SSH2: variants seen among roughly 807,000 people sequenced by gnomAD.
SSH2 encodes the protein protein phosphatase Slingshot homolog 2.
Under a neutral mutation model 135.2 loss-of-function variants are expected in SSH2, and 37 were observed. The observed-to-expected ratio is 0.27, with a 90% CI of 0.21 to 0.36. SSH2 has a LOEUF of 0.36. SSH2 is among the 10% of genes least tolerant of loss of function. The probability of loss-of-function intolerance (pLI) is 1.00; values close to 1 mark genes in which losing one functional copy is unlikely to be tolerated. For missense variants in SSH2, 1,408 were observed against 1,765.3 expected, an observed-to-expected ratio of 0.80 and a Z score of 3.63; for synonymous variants, 628 against 646.2, an observed-to-expected ratio of 0.97 and a Z score of 0.43.
chr17:29,680,248 C>A (rs1401048573), intron 6 of SSH2, among the ~76,000 whole-genome samples: 1 of 151,988 alleles, frequency 6.6e-6, no homozygotes, highest in Non-Finnish European at 1.5e-5. Flanking sequence ...CACTTGCTGG[C>A]CTGTGCTGCT....
intron 1 of SSH2, among the ~76,000 whole-genome samples, chr17:29,891,963 CT>C (rs1335666691): frequency 5.3e-5 from 8 of 151,786 alleles, no homozygotes; most frequent in African/African-American, 1.9e-4. Context: ...AAGAAAGAAG[CT>C]TTATAAAATT....
At chr17:29,857,421 A>G (rs2065682288) in intron 1 of SSH2, among the ~76,000 whole-genome samples, 2 of 151,986 alleles carry the variant, frequency 1.3e-5, no homozygotes, top group Non-Finnish European at 2.9e-5. Flanking sequence ...CTCCCACCAG[A>G]GTTTCCCTTC....
At chr17:29,667,102 G>T in intron 10 of SSH2, 28 bp downstream of exon 10, 1 of 1,603,030 alleles carries the variant, frequency 6.2e-7, no homozygotes, top group Non-Finnish European at 8.5e-7. Context: ...GCTAGCCTTG[G>T]AACAAACAAG....
At chr17:29,856,789 T>C (rs1053347685) in intron 1 of SSH2, among the ~76,000 whole-genome samples, 17 of 152,230 alleles carry the variant, frequency 1.1e-4, no homozygotes, top group African/African-American at 3.9e-4. Flanking sequence ...ACAAGCATTG[T>C]GTGTGTAGAT....
In SSH2 at chr17:29,800,584, C is replaced by A. The variant is rs181709934; in HGVS notation, c.145-6647G>T. Among the ~76,000 whole-genome samples, 128 of 151,838 alleles carry A rather than the reference C, an allele frequency of 8.4e-4. 1 individual carries two copies. Among genetic ancestry groups the A allele is most frequent in the Admixed American group, 3.0e-3 (46 of 15,258 alleles). On this transcript the variant is annotated intron_variant, in intron 2 of 15. Transcript: ENST00000540801. ...AGACAGCTCTTAGTTTCTTAGTGAA[C>A]AGAATAATTTCTGATACATAACGAG...
At chr17:29,741,934 CTTTT>C (rs71138848) in intron 3 of SSH2, among the ~76,000 whole-genome samples, 3 of 97,904 alleles carry the variant, frequency 3.1e-5, no homozygotes, top group Admixed American at 2.3e-4. Flanking sequence ...ATTTTTTTTT[CTTTT>C]TTTTTTTTTT....
chr17:29,797,653 T>G (rs2042181165), intron 2 of SSH2, among the ~76,000 whole-genome samples: 1 of 152,086 alleles, frequency 6.6e-6, no homozygotes, highest in Non-Finnish European at 1.5e-5. Context: ...TCCCAGCACT[T>G]TGGGAGGCTG....
chr17:29,685,852 CT>C (rs765821581), intron 5 of SSH2, among the ~76,000 whole-genome samples: 171 of 139,796 alleles, frequency 1.2e-3, no homozygotes, highest in Non-Finnish European at 1.6e-3. Context: ...TTTTCTTTTT[CT>C]TTTTTTTTTT....
In SSH2 at chr17:29,827,303, C is replaced by G. The variant is rs556021544; in HGVS notation, c.144+21546G>C. On this transcript the variant is annotated intron_variant, in intron 2 of 15. Coordinates refer to ENST00000540801, the MANE Select transcript of SSH2 (RefSeq NM_001282129.2). ...GGCAACATGATTACCAGGCTTCTTACTAGTAAAAGGCTCAAAGAAGATAAA... is the reference window on the plus strand; with the variant it reads ...GGCAACATGATTACCAGGCTTCTTAGTAGTAAAAGGCTCAAAGAAGATAAA... Among the ~76,000 whole-genome samples the G allele has an allele frequency of 3.0e-4, 45 of 152,270 alleles. 1 individual carries two copies. The highest frequency in any genetic ancestry group is 1.1e-3 in the African/African-American group (44 of 41,568).
At chr17:29,832,170 G>T (rs897402248) in intron 2 of SSH2, among the ~76,000 whole-genome samples, 7 of 152,086 alleles carry the variant, frequency 4.6e-5, no homozygotes, top group Non-Finnish European at 1.0e-4. Flanking sequence ...TTGACATGGG[G>T]TCTCGCTCTG....
In SSH2 at chr17:29,634,250, T is replaced by C. The variant is rs1390863958; in HGVS notation, c.2263-1319A>G. 3.3e-5 allele frequency among the ~76,000 whole-genome samples: 5 copies of C among 152,256 alleles called. No homozygotes were observed. The South Asian group carries it at 1.0e-3, about 32-fold the overall frequency. On this transcript the variant is annotated intron_variant, in intron 15 of 15. Coordinates refer to ENST00000540801, the MANE Select transcript of SSH2 (RefSeq NM_001282129.2). ...AATCGTTAACGGACAAAGCGGTAAA[T>C]ATAAGCAGACAGACATCAGGAGAGG...
chr17:29,676,908 C>A (rs1199319206), intron 7 of SSH2, 23 bp from the exon 8 acceptor site: 1 of 1,599,460 alleles, frequency 6.3e-7, no homozygotes. Flanking sequence ...GAGAACAAGA[C>A]AAAAATCCAC....
intron 2 of SSH2, among the ~76,000 whole-genome samples, chr17:29,832,384 G>A (rs1462107697): frequency 6.6e-6 from 1 of 152,174 alleles, no homozygotes; most frequent in East Asian, 1.9e-4. Flanking sequence ...CTCCTGCCTT[G>A]GCCTCCCAAA....
intron 1 of SSH2, among the ~76,000 whole-genome samples, chr17:29,898,576 C>T (rs1402838301): frequency 6.6e-6 from 1 of 152,142 alleles, no homozygotes; most frequent in Non-Finnish European, 1.5e-5. Flanking sequence ...CAAGACTACA[C>T]CAGGAAGAAG....
intron 11 of SSH2, among the ~76,000 whole-genome samples, chr17:29,665,249 A>C (rs1265055792): frequency 1.3e-5 from 2 of 152,202 alleles, no homozygotes; most frequent in Admixed American, 6.5e-5. Context: ...AAAGCCAATG[A>C]CAGTTTTGCA....
At chr17:29,886,469 G>A (rs921033051) in intron 1 of SSH2, among the ~76,000 whole-genome samples, 5 of 151,950 alleles carry the variant, frequency 3.3e-5, no homozygotes, top group African/African-American at 4.8e-5. Flanking sequence ...GAAAATGGCC[G>A]GGTGTCGTGG....
intron 5 of SSH2, among the ~76,000 whole-genome samples, chr17:29,692,590 T>A (rs2038534838): frequency 6.6e-6 from 1 of 152,228 alleles, no homozygotes; most frequent in Non-Finnish European, 1.5e-5. Context: ...GTAGTTAAAA[T>A]TATTTTAATA....
chr17:29,847,487 A>T (rs1035176921), intron 2 of SSH2, among the ~76,000 whole-genome samples: 5 of 152,206 alleles, frequency 3.3e-5, no homozygotes, highest in Admixed American at 2.6e-4. Flanking sequence ...GGTTTTTTTG[A>T]GGGAGGGTGG....
At chr17:29,923,039 T>A (rs1024775373) in intron 1 of SSH2, among the ~76,000 whole-genome samples, 3 of 152,280 alleles carry the variant, frequency 2.0e-5, no homozygotes, top group African/African-American at 7.2e-5. Flanking sequence ...GCCTCCCAAG[T>A]AGCTGGAACG....
Sources: gnomAD v4.1 joint callset for allele counts (sites outside exome capture counted in the v4.1 genomes callset) on GRCh38, gnomAD v4.1.1 for gene constraint, MANE v1.5 for transcripts, NCBI Gene and HGNC (gene_info 2026-07-23, HGNC 2026-07-21) for gene names.